ABRAXAS2: variants seen among roughly 807,000 people sequenced by gnomAD.
ABRAXAS2 encodes the protein BRISC complex subunit Abraxas 2.
A neutral mutation model predicts 49.0 loss-of-function variants in ABRAXAS2; 23 were observed. The ratio of observed to expected loss-of-function variants is 0.47; its 90% CI spans 0.34 to 0.66. The LOEUF (loss-of-function observed/expected upper bound fraction) is 0.66, where lower values mean the gene tolerates loss of function less well. Ranked by LOEUF, ABRAXAS2 falls within the 30% of genes least tolerant of loss-of-function variation. The pLI, the probability that ABRAXAS2 is intolerant of heterozygous loss-of-function variation, is 0.01. For missense variants in ABRAXAS2, 443 were observed against 511.9 expected, an observed-to-expected ratio of 0.87 and a Z score of 1.30; for synonymous variants, 168 against 180.2, an observed-to-expected ratio of 0.93 and a Z score of 0.54.
Position 124,835,103 on chromosome 10 carries a change from C to G in ABRAXAS2, c.*132C>G. ...CTCCCGAGAAGAGAGTCCTTGTGCA[C>G]AGAACTTGTGGGAGCCTCCATCCGC... On this transcript the variant is annotated 3_prime_UTR_variant, in exon 9 of 9. Coordinates refer to ENST00000298492, the MANE Select transcript of ABRAXAS2 (RefSeq NM_032182.4). 1.5e-6 allele frequency: 1 copy of G among 678,730 alleles called. No individual in the cohort carries two copies. The highest frequency in any genetic ancestry group is 2.4e-6 in the Non-Finnish European group (1 of 410,582). 42.0% of individuals were successfully genotyped at this position (678,730 alleles called of 1,614,324 possible).
chr10:124,817,091 G>A (rs1043133610), intron 3 of ABRAXAS2, among the ~76,000 whole-genome samples: 4 of 152,096 alleles, frequency 2.6e-5, no homozygotes, highest in African/African-American at 7.2e-5. Context: ...TTTCCTGTAT[G>A]TACATACCTA....
Position 124,834,722 on chromosome 10 carries a change from A to G in ABRAXAS2, c.999A>G (p.Arg333=). 1 of 1,614,090 alleles carries G rather than the reference A, an allele frequency of 6.2e-7. No individual in the cohort carries two copies. The highest frequency in any genetic ancestry group is 8.5e-7 in the Non-Finnish European group (1 of 1,180,018). Residue 333 remains arginine, a synonymous_variant, in exon 9 of 9, where the codon CGA becomes CGG. Transcript: ENST00000298492. ...TGGAAAGGAGTGTCTTTATGCCTCG[A>G]CCTCAAGCTGTGGGCTCTTCCAATT... ...SRMERSVFMP[R]PQAVGSSNYA...
At chr10:124,820,016 T>C (rs1950851961) in intron 4 of ABRAXAS2, among the ~76,000 whole-genome samples, 1 of 152,198 alleles carries the variant, frequency 6.6e-6, no homozygotes, top group Non-Finnish European at 1.5e-5. Context: ...CTTGGGATAT[T>C]AATTCTATAA....
chr10:124,828,130 C>T (rs1302315304), intron 5 of ABRAXAS2, among the ~76,000 whole-genome samples: 3 of 152,202 alleles, frequency 2.0e-5, no homozygotes, highest in Non-Finnish European at 4.4e-5. Context: ...CCAACGTCAG[C>T]AACTAAGACT....
chr10:124,810,127 A>G lies in ABRAXAS2; in HGVS notation c.163+3206A>G, dbSNP rs1333209319. On this transcript the variant is annotated intron_variant, in intron 2 of 8. Coordinates refer to ENST00000298492, the MANE Select transcript of ABRAXAS2 (RefSeq NM_032182.4). ...TATATTTTATGTGTGGACCAAGACA[A>G]TTCTTCTTCCAATGTGGCCCAGGGA... 3.3e-5 allele frequency among the ~76,000 whole-genome samples: 5 copies of G among 152,234 alleles called. No homozygotes were observed. The East Asian group carries it at 9.6e-4, about 29-fold the overall frequency.
chr10:124,804,634 T>C (rs1950727915), intron 1 of ABRAXAS2, among the ~76,000 whole-genome samples: 1 of 151,866 alleles, frequency 6.6e-6, no homozygotes, highest in Non-Finnish European at 1.5e-5. Flanking sequence ...GCAGTGTTTC[T>C]CAAATTAGTA....
chr10:124,829,982 T>C (rs1203483089), intron 7 of ABRAXAS2, among the ~76,000 whole-genome samples: 1 of 152,210 alleles, frequency 6.6e-6, no homozygotes, highest in East Asian at 1.9e-4. Flanking sequence ...CTGAGCTTGG[T>C]GCTAACAATA....
At chr10:124,822,983 G>A (rs1007640890) in intron 4 of ABRAXAS2, among the ~76,000 whole-genome samples, 1 of 152,052 alleles carries the variant, frequency 6.6e-6, no homozygotes, top group African/African-American at 2.4e-5. Flanking sequence ...TTGGTCTATA[G>A]TTTTGATTTT....
Position 124,834,487 on chromosome 10 carries a change from T to C in ABRAXAS2, c.779-15T>C, listed in dbSNP as rs747586514. The stretch of plus-strand genomic sequence containing the variant: ...GAATCTAGAAAGTGTTAGAATATTC[T>C]TTGTTTTCATCCAGGATTGCAGCAG... On this transcript the variant is annotated splice_polypyrimidine_tract_variant and intron_variant, in intron 8 of 8. Coordinates refer to ENST00000298492, the MANE Select transcript of ABRAXAS2 (RefSeq NM_032182.4). The C allele has an allele frequency of 7.5e-6, 12 of 1,600,192 alleles. No individual in the cohort carries two copies. Among genetic ancestry groups the C allele is most frequent in the Middle Eastern group, 1.7e-4 (1 of 5,988 alleles).
At chr10:124,825,679 T>G (rs1407215112) in intron 4 of ABRAXAS2, among the ~76,000 whole-genome samples, 2 of 152,240 alleles carry the variant, frequency 1.3e-5, no homozygotes, top group African/African-American at 4.8e-5. Context: ...TACCTTTGCT[T>G]CTTAAAACAA....
At chr10:124,815,651 C>T (rs1199237859) in intron 2 of ABRAXAS2, among the ~76,000 whole-genome samples, 1 of 152,110 alleles carries the variant, frequency 6.6e-6, no homozygotes, top group African/African-American at 2.4e-5. Flanking sequence ...AGACCCTAAG[C>T]CCCTGGATGA....
rs1840914236 is a variant in ABRAXAS2, at chr10:124,828,756, G to A, written c.459G>A (p.Arg153=). The A allele has an allele frequency of 6.2e-7, 1 of 1,612,746 alleles. No homozygotes were observed. The highest frequency in any genetic ancestry group is 1.3e-5 in the African/African-American group (1 of 74,902). Residue 153 remains arginine, a splice_region_variant and synonymous_variant, in exon 6 of 9, where the codon AGG becomes AGA. Transcript: ENST00000298492. ...TGATCTCTCTGAATTTTTCCCATAG[G>A]TATAATCAGAGGATATCACTCGCTA... ...LEYVLFRPNR[R]YNQRISLAIP...
chr10:124,833,335 T>G (rs1268061438), intron 8 of ABRAXAS2, among the ~76,000 whole-genome samples: 2 of 146,622 alleles, frequency 1.4e-5, no homozygotes, highest in African/African-American at 2.5e-5. Context: ...CATGGTGGCA[T>G]GCACCTCTAG....
chr10:124,806,597 T>G (rs1232867784), intron 1 of ABRAXAS2, among the ~76,000 whole-genome samples: 1 of 152,124 alleles, frequency 6.6e-6, no homozygotes, highest in Non-Finnish European at 1.5e-5. Context: ...CAGGGAGGAG[T>G]TGAAGGGATT....
At chr10:124,825,554 T>C (rs1950891376) in intron 4 of ABRAXAS2, among the ~76,000 whole-genome samples, 2 of 152,124 alleles carry the variant, frequency 1.3e-5, no homozygotes, top group South Asian at 4.1e-4. Context: ...TTAGTGAAAA[T>C]ATTTGTGACA....
chr10:124,812,465 C>T (rs917046248), intron 2 of ABRAXAS2, among the ~76,000 whole-genome samples: 3 of 151,920 alleles, frequency 2.0e-5, no homozygotes, highest in East Asian at 3.9e-4. Context: ...GACAATATAG[C>T]GAGACCCTGT....
At chr10:124,830,765 G>A (rs1479565220) in intron 7 of ABRAXAS2, among the ~76,000 whole-genome samples, 4 of 152,222 alleles carry the variant, frequency 2.6e-5, no homozygotes, top group Non-Finnish European at 5.9e-5. Flanking sequence ...CTGGCCAAAA[G>A]TGGCTGTTAT....
Position 124,828,722 on chromosome 10 carries a change from C to T in ABRAXAS2, c.459-34C>T, listed in dbSNP as rs774430155. 3.1e-6 allele frequency: 5 copies of T among 1,596,594 alleles called. No individual in the cohort carries two copies. The East Asian group carries it at 1.1e-4, about 36-fold the overall frequency. On this transcript the variant is annotated intron_variant, in intron 5 of 8. Coordinates refer to ENST00000298492, the MANE Select transcript of ABRAXAS2 (RefSeq NM_032182.4). ...CTCACTTGAATATGATAGAATGGTA[C>T]ATTTAACATGATCTCTCTGAATTTT...
intron 3 of ABRAXAS2, among the ~76,000 whole-genome samples, chr10:124,818,056 A>G (rs1245975610): frequency 6.6e-6 from 1 of 152,182 alleles, no homozygotes; most frequent in African/African-American, 2.4e-5. Context: ...AATTCATTAA[A>G]ATACTGTCAG....
Sources: allele counts gnomAD v4.1 joint callset (sites outside exome capture counted in the v4.1 genomes callset), GRCh38; gene constraint gnomAD v4.1.1; transcripts MANE v1.5; gene names NCBI Gene and HGNC (gene_info 2026-07-23, HGNC 2026-07-21).